The following PRKN variants were observed in gnomAD, a reference collection of about 807,000 sequenced individuals.
The protein encoded by PRKN is parkin RBR E3 ubiquitin protein ligase.
PRKN carries 56 observed loss-of-function variants against 59.5 expected under a neutral mutation model. The observed-to-expected ratio is 0.94, with a 90% CI of 0.76 to 1.18. The LOEUF (loss-of-function observed/expected upper bound fraction) is 1.18. PRKN is among the 50% of genes most tolerant of loss of function. The probability of loss-of-function intolerance (pLI) is 0.00; values close to 1 mark genes in which losing one functional copy is unlikely to be tolerated. For synonymous variants in PRKN, 250 were observed against 222.1 expected (o/e 1.13, Z -1.12); for missense variants, 657 against 596.4 (o/e 1.10, Z -1.06).
intron 6 of PRKN, among the ~76,000 whole-genome samples, chr6:161,802,315 C>T (rs531755158): frequency 4.6e-5 from 7 of 152,150 alleles, no homozygotes; most frequent in Admixed American, 4.6e-4. Context: ...CTTCTCTGTC[C>T]CTTAGCTCCT....
chr6:162,577,097 A>G (rs1424621242), intron 1 of PRKN, among the ~76,000 whole-genome samples: 1 of 152,194 alleles, frequency 6.6e-6, no homozygotes, highest in East Asian at 1.9e-4. Flanking sequence ...TGCAAATTAA[A>G]AGATAAGTGA....
chr6:162,710,373 A>AC (rs1420121374), intron 1 of PRKN, among the ~76,000 whole-genome samples: 62 of 129,338 alleles, frequency 4.8e-4, no homozygotes, highest in South Asian at 1.4e-3. Flanking sequence ...CACCCCCTAC[A>AC]AACACACACA....
chr6:162,395,111 G>A (rs1562729776), intron 2 of PRKN, among the ~76,000 whole-genome samples: 1 of 152,124 alleles, frequency 6.6e-6, no homozygotes, highest in Non-Finnish European at 1.5e-5. Context: ...GAGATATCCT[G>A]GCTGAGGGCA....
rs983562258 is a variant in PRKN, at chr6:161,356,497, G to A, written c.1285+3591C>T. Among the ~76,000 whole-genome samples the A allele has an allele frequency of 6.6e-6, 1 of 152,178 alleles. No individual in the cohort carries two copies. The highest frequency in any genetic ancestry group is 1.5e-5 in the Non-Finnish European group (1 of 68,040). On this transcript the variant is annotated intron_variant, in intron 11 of 11. Transcript: ENST00000366898. This position sits in a 1 kb window ranked among gnomAD's most constrained non-coding sequence, Gnocchi z 7.8. Reference sequence around the variant, plus strand: ...TATGTAGAGGACGGATCATAAATATGCGAGAGTGGAGGCGAGAGCCCTTTT... The same window carrying A: ...TATGTAGAGGACGGATCATAAATATACGAGAGTGGAGGCGAGAGCCCTTTT...
chr6:161,512,243 A>G (rs1039448455), intron 9 of PRKN, among the ~76,000 whole-genome samples: 1 of 152,220 alleles, frequency 6.6e-6, no homozygotes, highest in Non-Finnish European at 1.5e-5. Flanking sequence ...ATGATAAAAC[A>G]GCACATCCCA....
chr6:162,138,820 T>C (rs931574523), intron 4 of PRKN, among the ~76,000 whole-genome samples: 7 of 152,032 alleles, frequency 4.6e-5, no homozygotes, highest in Non-Finnish European at 8.8e-5. Context: ...TGTGAAGAAA[T>C]AGCAAGAGAA....
At chr6:162,187,866 T>C (rs1291802178) in intron 4 of PRKN, among the ~76,000 whole-genome samples, 1 of 152,144 alleles carries the variant, frequency 6.6e-6, no homozygotes, top group African/African-American at 2.4e-5. Context: ...CAGTTGAAGC[T>C]ACAAAAGGTT....
At chr6:162,529,925 T>C (rs1265935680) in intron 1 of PRKN, among the ~76,000 whole-genome samples, 1 of 150,508 alleles carries the variant, frequency 6.6e-6, no homozygotes, top group Non-Finnish European at 1.5e-5. Context: ...AGGTCGGGAG[T>C]TCAAGACCAT....
At chr6:161,650,928 A>G (rs1294061965) in intron 7 of PRKN, among the ~76,000 whole-genome samples, 1 of 152,196 alleles carries the variant, frequency 6.6e-6, no homozygotes, top group Admixed American at 6.5e-5. Flanking sequence ...AGGGTGTGCT[A>G]CATTTTGCAT....
intron 9 of PRKN, among the ~76,000 whole-genome samples, chr6:161,506,514 C>G (rs1469176785): frequency 6.6e-6 from 1 of 152,170 alleles, no homozygotes; most frequent in Non-Finnish European, 1.5e-5. Context: ...ACGTTACCTG[C>G]AAACTCAATA....
chr6:161,430,814 CAAAAAAA>C (rs35611748), intron 9 of PRKN, among the ~76,000 whole-genome samples: 14 of 58,340 alleles, frequency 2.4e-4, no homozygotes, highest in Non-Finnish European at 3.9e-4. Flanking sequence ...GACTCCGTCT[CAAAAAAA>C]AAAAAAAAAA....
chr6:161,558,885 T>G (rs1240295060), intron 8 of PRKN, among the ~76,000 whole-genome samples: 11 of 152,010 alleles, frequency 7.2e-5, no homozygotes, highest in Non-Finnish European at 1.6e-4. Context: ...CCTGCTGTTT[T>G]TCTTCTCTAT....
chr6:162,012,352 T>A (rs1290895292), intron 5 of PRKN, among the ~76,000 whole-genome samples: 2 of 151,976 alleles, frequency 1.3e-5, no homozygotes, highest in African/African-American at 4.8e-5. Flanking sequence ...ATAGAGAAAG[T>A]AAGTTAAAAA....
chr6:161,714,518 G>A (rs188867408), intron 7 of PRKN, among the ~76,000 whole-genome samples: 16 of 152,240 alleles, frequency 1.1e-4, no homozygotes, highest in East Asian at 5.8e-4. Flanking sequence ...TGGACTTCCC[G>A]GCCTCCAGAG....
chr6:161,354,304 A>G lies in PRKN; in HGVS notation c.1286-4093T>C, dbSNP rs1348062775. Among the ~76,000 whole-genome samples, 1 of 152,206 alleles carries G rather than the reference A, an allele frequency of 6.6e-6. No individual in the cohort carries two copies. Among genetic ancestry groups the G allele is most frequent in the Non-Finnish European group, 1.5e-5 (1 of 68,038 alleles). ...GCTGAAACTTCACGCAGATTTGTGGATATAGACATGAAGGGAATATGGCTT... is the reference window on the plus strand; with the variant it reads ...GCTGAAACTTCACGCAGATTTGTGGGTATAGACATGAAGGGAATATGGCTT... On this transcript the variant is annotated intron_variant, in intron 11 of 11. Coordinates refer to ENST00000366898, the MANE Select transcript of PRKN (RefSeq NM_004562.3). The surrounding 1 kb of genome is among the most constrained non-coding windows in gnomAD (Gnocchi z 6.7).
At position 161,582,718 on chromosome 6, in the gene PRKN, C is replaced by T. The variant is rs1344823453; in HGVS notation, c.872-13302G>A. Among the ~76,000 whole-genome samples the T allele has an allele frequency of 2.6e-5, 4 of 151,998 alleles. No individual in the cohort carries two copies. The highest frequency in any genetic ancestry group is 5.9e-5 in the Non-Finnish European group (4 of 68,000). The stretch of plus-strand genomic sequence containing the variant: ...CTGGGATTACAGGTGTGAGACACTG[C>T]GCCTGGCCTGCAGACTATTATTAAT... On this transcript the variant is annotated intron_variant, in intron 7 of 11. Transcript: ENST00000366898. The surrounding 1 kb of genome is among the most constrained non-coding windows in gnomAD (Gnocchi z 4.4).
chr6:162,626,217 A>ATGT (rs1432637095), intron 1 of PRKN, among the ~76,000 whole-genome samples: 3 of 152,214 alleles, frequency 2.0e-5, no homozygotes, highest in Non-Finnish European at 4.4e-5. Flanking sequence ...TACCACTGTT[A>ATGT]TGTTCTTTCA....
chr6:162,510,906 G>C (rs554007580), intron 1 of PRKN, among the ~76,000 whole-genome samples: 1 of 151,950 alleles, frequency 6.6e-6, no homozygotes, highest in African/African-American at 2.4e-5. Context: ...CTGGGCAATA[G>C]AGCGAGACTC....
Position 161,822,787 on chromosome 6 carries a change from T to C in PRKN, c.735-36879A>G, listed in dbSNP as rs373476732. On this transcript the variant is annotated intron_variant, in intron 6 of 11. Transcript: ENST00000366898. ...TCATTGACCATTTACCTCTGGACAT[T>C]GTTTATGTGAGAATTAAATGTTTGT... Among the ~76,000 whole-genome samples, 18 of 152,344 alleles carry C rather than the reference T, an allele frequency of 1.2e-4. No individual in the cohort carries two copies. In the East Asian group the frequency reaches 1.9e-3, roughly 16 times the overall value.
Sources: allele counts gnomAD v4.1 joint callset (sites outside exome capture counted in the v4.1 genomes callset), GRCh38; gene constraint gnomAD v4.1.1; non-coding constraint Gnocchi (gnomAD v3.1); transcripts MANE v1.5; gene names NCBI Gene and HGNC (gene_info 2026-07-23, HGNC 2026-07-21).